ZFP36L1: variants seen among roughly 807,000 people sequenced by gnomAD.
ZFP36L1 encodes mRNA decay activator protein ZFP36L1.
Under a neutral mutation model 16.7 loss-of-function variants are expected in ZFP36L1, and 4 were observed. That is an observed-to-expected ratio of 0.24 (90% CI 0.12 to 0.55). The LOEUF (loss-of-function observed/expected upper bound fraction) is 0.55, where lower values mean the gene tolerates loss of function less well. Among genes scored for constraint, ZFP36L1 ranks in the 20% least tolerant of loss-of-function variants. The pLI is 0.94. For missense variants in ZFP36L1, 311 were observed against 449.2 expected, an observed-to-expected ratio of 0.69 and a Z score of 2.78; for synonymous variants, 220 against 190.8, an observed-to-expected ratio of 1.15 and a Z score of -1.26.
chr14:68,793,967 T>A (rs183836898), upstream of ZFP36L1: 6 of 979,920 alleles, frequency 6.1e-6, no homozygotes, highest in East Asian at 6.8e-4. Context: ...CCCGGGACGA[T>A]TGTTTGTTTT....
chr14:68,793,384 C>T, upstream of ZFP36L1: 1 of 1,002,822 alleles, frequency 1.0e-6, no homozygotes, highest in Non-Finnish European at 1.2e-6. Flanking sequence ...GCGCTTCAGG[C>T]GCCCCCTCTC....
chr14:68,793,474 T>G, upstream of ZFP36L1: 1 of 988,542 alleles, frequency 1.0e-6, no homozygotes, highest in Non-Finnish European at 1.2e-6. Context: ...CGTCACTCAT[T>G]CCACTCCCTC....
chr14:68,792,017 A>G (rs1212251843), intron 1 of ZFP36L1, among the ~76,000 whole-genome samples: 1 of 152,182 alleles, frequency 6.6e-6, no homozygotes, highest in Admixed American at 6.5e-5. Flanking sequence ...GAAATTTAAC[A>G]ACATCCATAG....
At position 68,788,112 on chromosome 14, in the gene ZFP36L1, A is replaced by G. The variant is rs1028785378; in HGVS notation, c.*1421T>C. The G allele has an allele frequency of 1.2e-4, 18 of 152,138 alleles. No homozygotes were observed. The highest frequency in any genetic ancestry group is 4.6e-4 in the Admixed American group (7 of 15,272). The allele number at this position is 152,138 out of a possible 1,614,324, so 9.4% of individuals were successfully genotyped here. On this transcript the variant is annotated 3_prime_UTR_variant, in exon 2 of 2. Transcript: ENST00000439696. The stretch of plus-strand genomic sequence containing the variant: ...AATAAATAATCCAACAGTTTTTTGC[A>G]TTTTTTTAAATTAATTTTTCATTTT...
In ZFP36L1 at chr14:68,790,355, G is replaced by A; in HGVS notation, c.195C>T (p.Asn65=). The change falls in exon 2 of 2, where the codon AAC becomes AAT. Residue 65 remains asparagine, a synonymous_variant. Coordinates refer to ENST00000439696, the MANE Select transcript of ZFP36L1 (RefSeq NM_004926.4). The part of the protein sequence containing the change: ...VTLPSSKFHQ[N]QLLSSLKGEP... ...CACCCTTGAGGCTGCTGAGGAGCTG[G>A]TTCTGGTGGAACTTGGAGCTGGGCA... The A allele has an allele frequency of 6.2e-7, 1 of 1,613,064 alleles. No individual in the cohort carries two copies. The highest frequency in any genetic ancestry group is 8.5e-7 in the Non-Finnish European group (1 of 1,179,690).
chr14:68,792,705 A>G (rs1895128538), intron 1 of ZFP36L1, among the ~76,000 whole-genome samples, 177 bp downstream of exon 1: 1 of 152,234 alleles, frequency 6.6e-6, no homozygotes, highest in African/African-American at 2.4e-5. Context: ...TTGAAACTCA[A>G]AGGGTGGGAA....
At chr14:68,795,959 C>G, upstream of ZFP36L1, 1 of 1,305,934 alleles carries the variant, frequency 7.7e-7, no homozygotes, top group Non-Finnish European at 1.0e-6. Context: ...GGAGGGCGGC[C>G]CTACGGTGCA....
rs1439893405 is a variant in ZFP36L1, at chr14:68,792,742, G to A, written c.57+140C>T. ...GACGGGGCCAAATTCCTTCAAACTTGGGAGAAATGCCGGAGGAGAAAAGAA... is the reference window on the plus strand; with the variant it reads ...GACGGGGCCAAATTCCTTCAAACTTAGGAGAAATGCCGGAGGAGAAAAGAA... On this transcript the variant is annotated intron_variant, in intron 1 of 1. Transcript: ENST00000439696. 4.0e-6 allele frequency: 5 copies of A among 1,253,338 alleles called. No homozygotes were observed. In the South Asian group the frequency reaches 4.8e-5, roughly 12 times the overall value. 77.6% of individuals were successfully genotyped at this position (1,253,338 alleles called of 1,614,324 possible).
At chr14:68,795,973 A>C (rs1169098964), upstream of ZFP36L1, 1 of 1,321,104 alleles carries the variant, frequency 7.6e-7, no homozygotes, top group Admixed American at 2.0e-5. Flanking sequence ...CGGTGCAGGA[A>C]GGCCGAGGCG....
Position 68,790,484 on chromosome 14 carries a change from C to G in ZFP36L1, c.66G>C (p.Lys22Asn). 2.5e-6 allele frequency: 4 copies of G among 1,614,020 alleles called. No individual in the cohort carries two copies. Among genetic ancestry groups the G allele is most frequent in the Non-Finnish European group, 3.4e-6 (4 of 1,179,992 alleles). The change falls in exon 2 of 2, where the codon AAG (lysine) becomes AAC (asparagine). Residue 22 changes from lysine (K) to asparagine (N), a missense_variant. Lys to Asn is a moderately conservative substitution (Grantham distance 94). Coordinates refer to ENST00000439696, the MANE Select transcript of ZFP36L1 (RefSeq NM_004926.4). ...DLSEVLCKGNKMLNYSAPSAG... is the reference protein window; with the variant it reads ...DLSEVLCKGNNMLNYSAPSAG... ...CACTGGGAGCACTATAGTTGAGCATCTTGTTACCCTGGAGAGAGAAGAGAA... is the reference window on the plus strand; with the variant it reads ...CACTGGGAGCACTATAGTTGAGCATGTTGTTACCCTGGAGAGAGAAGAGAA...
Position 68,790,213 on chromosome 14 carries a change from T to C in ZFP36L1, c.337A>G (p.Ser113Gly). The change falls in exon 2 of 2, where the codon AGC becomes GGC. Residue 113 changes from serine to glycine, a missense_variant. Coordinates refer to ENST00000439696, the MANE Select transcript of ZFP36L1 (RefSeq NM_004926.4). ...CGGCACAGCTCCGTCTTGTAGCGGC[T>C]GGAGTTGACCTGGCCGCCCCCGGGC... ...KQPGGGQVNS[S>G]RYKTELCRPF... 1 of 1,613,274 alleles carries C rather than the reference T, an allele frequency of 6.2e-7. No homozygotes were observed. Among genetic ancestry groups the C allele is most frequent in the Non-Finnish European group, 8.5e-7 (1 of 1,179,828 alleles).
chr14:68,791,525 T>C (rs1187369594), intron 1 of ZFP36L1, among the ~76,000 whole-genome samples: 1 of 151,474 alleles, frequency 6.6e-6, no homozygotes, highest in Non-Finnish European at 1.5e-5. Flanking sequence ...TTGTGCAAAT[T>C]CTAATGTTGG....
upstream of ZFP36L1, among the ~76,000 whole-genome samples, chr14:68,795,359 G>A (rs2140215320): frequency 6.7e-6 from 1 of 148,950 alleles, no homozygotes; most frequent in Admixed American, 6.7e-5. Context: ...TAACTCCCGA[G>A]GGTTCGCGAA....
Position 68,792,886 on chromosome 14 carries a change from C to A in ZFP36L1, c.53G>T (p.Cys18Phe). ...AAATGCTCCGCCCCCCTTTACCTTG[C>A]ATAAAACTTCGCTCAAGTCGAAGAT... ...ATIFDLSEVLCKGNKMLNYSA... is the reference protein window; with the variant it reads ...ATIFDLSEVLFKGNKMLNYSA... Residue 18 changes from cysteine to phenylalanine, a missense_variant, in exon 1 of 2, where the codon TGC becomes TTC. Physicochemically the swap from Cys to Phe is radical, Grantham distance 205 (BLOSUM62 -2). Coordinates refer to ENST00000439696, the MANE Select transcript of ZFP36L1 (RefSeq NM_004926.4). 6.2e-7 allele frequency: 1 copy of A among 1,614,120 alleles called. No individual in the cohort carries two copies.
At chr14:68,791,012 A>G in intron 1 of ZFP36L1, 1 of 701,618 alleles carries the variant, frequency 1.4e-6, no homozygotes, top group Non-Finnish European at 2.6e-6. Context: ...TTCCTCCTTC[A>G]GAAGTGTTCC....
Position 68,792,325 on chromosome 14 carries a change from G to C in ZFP36L1, c.57+557C>G, listed in dbSNP as rs78731463. 6.1e-3 allele frequency among the ~76,000 whole-genome samples: 923 copies of C among 152,278 alleles called. 9 individuals carry two copies. Among genetic ancestry groups the C allele is most frequent in the Admixed American group, 0.014 (219 of 15,304 alleles). Reference sequence around the variant, plus strand: ...GAAGAAGCCCAACGGAGCTAGGGCGGACTCAAGCCCCACTGCAAACTTGTT... The same window carrying C: ...GAAGAAGCCCAACGGAGCTAGGGCGCACTCAAGCCCCACTGCAAACTTGTT... On this transcript the variant is annotated intron_variant, in intron 1 of 1. Transcript: ENST00000439696.
In ZFP36L1 at chr14:68,791,825, C is replaced by T. The variant is rs563603607; in HGVS notation, c.57+1057G>A. Among the ~76,000 whole-genome samples, 237 of 152,292 alleles carry T rather than the reference C, an allele frequency of 1.6e-3. 1 individual carries two copies. Among genetic ancestry groups the T allele is most frequent in the African/African-American group, 5.4e-3 (224 of 41,546 alleles). On this transcript the variant is annotated intron_variant, in intron 1 of 1. Coordinates refer to ENST00000439696, the MANE Select transcript of ZFP36L1 (RefSeq NM_004926.4). ...ACTTTTTAAATGCTACTCTTCAGCT[C>T]CTCGGCGTCCCTGCACCCCAACCCT... is the stretch of plus-strand genomic sequence containing the variant.
chr14:68,788,765 A>C lies in ZFP36L1; in HGVS notation c.*768T>G, dbSNP rs1263655190. 6.5e-6 allele frequency: 1 copy of C among 152,744 alleles called. No homozygotes were observed. Among genetic ancestry groups the C allele is most frequent in the Non-Finnish European group, 1.5e-5 (1 of 68,056 alleles). The allele number at this position is 152,744 out of a possible 1,614,324, so 9.5% of individuals were successfully genotyped here. A position where few individuals can be genotyped will look rare whatever the true frequency, so the allele number is the denominator to read the frequency against. On this transcript the variant is annotated 3_prime_UTR_variant, in exon 2 of 2. Coordinates refer to ENST00000439696, the MANE Select transcript of ZFP36L1 (RefSeq NM_004926.4). ...AAAATTAAATCACAAAGTCCCACTT[A>C]AGTCAAAATCTTCGTCCGCTTTTTC...
upstream of ZFP36L1, chr14:68,793,090 A>G (rs760174215): frequency 2.0e-6 from 3 of 1,532,088 alleles, no homozygotes; most frequent in South Asian, 3.4e-5. Flanking sequence ...GCAAAGCCCA[A>G]TTTATAAAGT....
Sources: allele counts gnomAD v4.1 joint callset (sites outside exome capture counted in the v4.1 genomes callset), GRCh38; gene constraint gnomAD v4.1.1; transcripts MANE v1.5; gene names NCBI Gene and HGNC (gene_info 2026-07-23, HGNC 2026-07-21).